The following SYDE1 variants were observed in gnomAD, a reference collection of about 807,000 sequenced individuals.
The protein encoded by SYDE1 is rho GTPase-activating protein SYDE1.
In SYDE1, 34 loss-of-function variants were observed where a neutral mutation model predicts 63.3. The ratio of observed to expected loss-of-function variants is 0.54; its 90% CI spans 0.41 to 0.71. The LOEUF (loss-of-function observed/expected upper bound fraction) is 0.71, where lower values mean the gene tolerates loss of function less well. Ranked by LOEUF, SYDE1 falls within the 30% of genes least tolerant of loss-of-function variation. The pLI, the probability that SYDE1 is intolerant of heterozygous loss-of-function variation, is 0.00. For missense variants in SYDE1, 925 were observed against 1,042.5 expected, an observed-to-expected ratio of 0.89 and a Z score of 1.55; for synonymous variants, 467 against 473.4, an observed-to-expected ratio of 0.99 and a Z score of 0.18.
At position 15,108,961 on chromosome 19, in the gene SYDE1, C is replaced by CACA; in HGVS notation, c.89-95_89-94insACA. On this transcript the variant is annotated intron_variant, in intron 1 of 7. Transcript: ENST00000342784. This position sits in a 1 kb window ranked among gnomAD's most constrained non-coding sequence, Gnocchi z 4.3. Reference sequence around the variant, plus strand: ...ATGACTTATCAGGGGCCGGCCAGGGCCGTACACAGCATCCCACCCACTGAT... The same window carrying CACA: ...ATGACTTATCAGGGGCCGGCCAGGGCACACGTACACAGCATCCCACCCACTGAT... 2.0e-5 allele frequency: 28 copies of CACA among 1,426,284 alleles called. No individual in the cohort carries two copies. Among genetic ancestry groups the CACA allele is most frequent in the Non-Finnish European group, 2.6e-5 (28 of 1,094,372 alleles). 88.4% of individuals were successfully genotyped at this position (1,426,284 alleles called of 1,614,324 possible). A position where few individuals can be genotyped will look rare whatever the true frequency, so the allele number is the denominator to read the frequency against.
At chr19:15,112,800 T>C (rs1210215566) in intron 7 of SYDE1, among the ~76,000 whole-genome samples, 2 of 152,250 alleles carry the variant, frequency 1.3e-5, no homozygotes, top group Admixed American at 6.5e-5. Flanking sequence ...CCCAAGCTGG[T>C]CTCAAACGCA....
In SYDE1 at chr19:15,109,909, CCCCGGG is replaced by C. The variant is rs933969537; in HGVS notation, c.639_644del (p.Gly214_Pro215del). 6.8e-7 allele frequency: 1 copy of C among 1,465,022 alleles called. No individual in the cohort carries two copies. Among genetic ancestry groups the C allele is most frequent in the African/African-American group, 1.5e-5 (1 of 68,014 alleles). 90.8% of individuals were successfully genotyped at this position (1,465,022 alleles called of 1,614,324 possible). A position where few individuals can be genotyped will look rare whatever the true frequency, so the allele number is the denominator to read the frequency against. ...ACCACCTGGACAGCAGCGTGGGGGG[CCCCGGG>C]CCGGCAGCAGGGCCTGGGGGCACCC... On this transcript the variant is annotated inframe_deletion, in exon 3 of 8. Coordinates refer to ENST00000342784, the MANE Select transcript of SYDE1 (RefSeq NM_033025.6). The surrounding 1 kb of genome is among the most constrained non-coding windows in gnomAD (Gnocchi z 5.0).
chr19:15,107,483 A>C lies in SYDE1; in HGVS notation c.50A>C (p.Glu17Ala). Residue 17 changes from glutamate (E) to alanine (A), a missense_variant, in exon 1 of 8, where the codon GAG becomes GCG. Transcript: ENST00000342784. Reference sequence around the variant, plus strand: ...ACCTTCTCCCGCCTGCGGGGCCGGGAGAAACTTCCCCGGAAAAAGTCGGAC... The same window carrying C: ...ACCTTCTCCCGCCTGCGGGGCCGGGCGAAACTTCCCCGGAAAAAGTCGGAC... ...RKTFSRLRGR[E>A]KLPRKKSDAK... 1.3e-6 allele frequency: 2 copies of C among 1,534,470 alleles called. No individual in the cohort carries two copies. The highest frequency in any genetic ancestry group is 1.4e-5 in the African/African-American group (1 of 72,404).
chr19:15,110,058 C>T lies in SYDE1; in HGVS notation c.785C>T (p.Ala262Val). Residue 262 changes from alanine (A) to valine (V), a missense_variant, in exon 3 of 8, where the codon GCC (alanine) becomes GTC (valine). By Grantham distance (64) the Ala-to-Val change is moderately conservative. Coordinates refer to ENST00000342784, the MANE Select transcript of SYDE1 (RefSeq NM_033025.6). This position sits in a 1 kb window ranked among gnomAD's most constrained non-coding sequence, Gnocchi z 6.9. ...GGTCCCGCAGCCCGGGCACCCCCGG[C>T]CGCACTCTGGGGCCGCCTCAGCCTG... ...EVGPAARAPP[A>V]ALWGRLSLHL... The T allele has an allele frequency of 6.7e-7, 1 of 1,498,442 alleles. No individual in the cohort carries two copies. The highest frequency in any genetic ancestry group is 8.8e-7 in the Non-Finnish European group (1 of 1,131,636). 92.8% of individuals were successfully genotyped at this position (1,498,442 alleles called of 1,614,324 possible). A position where few individuals can be genotyped will look rare whatever the true frequency, so the allele number is the denominator to read the frequency against.
rs534646292 is a variant in SYDE1 at position 15,110,893 on chromosome 19, G to A, written c.1290+158G>A. On this transcript the variant is annotated intron_variant, in intron 4 of 7. Transcript: ENST00000342784. This position sits in a 1 kb window ranked among gnomAD's most constrained non-coding sequence, Gnocchi z 6.9. ...GGCAGAAGGCGCCCCCTTGACTGTA[G>A]CACCCTGGGCAGAACCCATGGGTCA... Among the ~76,000 whole-genome samples the A allele has an allele frequency of 1.3e-5, 2 of 152,282 alleles. No homozygotes were observed. The highest frequency in any genetic ancestry group is 4.1e-4 in the South Asian group (2 of 4,828).
chr19:15,109,012 C>A lies in SYDE1; in HGVS notation c.89-44C>A. The A allele has an allele frequency of 6.9e-7, 1 of 1,446,726 alleles. No homozygotes were observed. Among genetic ancestry groups the A allele is most frequent in the East Asian group, 2.5e-5 (1 of 40,190 alleles). 89.6% of individuals were successfully genotyped at this position (1,446,726 alleles called of 1,614,324 possible). On this transcript the variant is annotated intron_variant, in intron 1 of 7. Transcript: ENST00000342784. The surrounding 1 kb of genome is among the most constrained non-coding windows in gnomAD (Gnocchi z 5.0). Reference sequence around the variant, plus strand: ...CAATTGCACAGGGCTGCTCTGCAGGCAGTGAGGGGCTGGGTGGGTCTCACT... The same window carrying A: ...CAATTGCACAGGGCTGCTCTGCAGGAAGTGAGGGGCTGGGTGGGTCTCACT...
At position 15,108,958 on chromosome 19, in the gene SYDE1, G is replaced by C. The variant is rs2046322990; in HGVS notation, c.89-98G>C. The stretch of plus-strand genomic sequence containing the variant: ...ACCATGACTTATCAGGGGCCGGCCA[G>C]GGCCGTACACAGCATCCCACCCACT... On this transcript the variant is annotated intron_variant, in intron 1 of 7. Coordinates refer to ENST00000342784, the MANE Select transcript of SYDE1 (RefSeq NM_033025.6). This position sits in a 1 kb window ranked among gnomAD's most constrained non-coding sequence, Gnocchi z 4.3. 7.0e-7 allele frequency: 1 copy of C among 1,422,992 alleles called. No individual in the cohort carries two copies. The highest frequency in any genetic ancestry group is 9.2e-7 in the Non-Finnish European group (1 of 1,092,580). The allele number at this position is 1,422,992 out of a possible 1,614,324, so 88.1% of individuals were successfully genotyped here. A position where few individuals can be genotyped will look rare whatever the true frequency, so the allele number is the denominator to read the frequency against.
Position 15,109,741 on chromosome 19 carries a change from C to T in SYDE1, c.468C>T (p.Arg156=). The T allele has an allele frequency of 4.6e-6, 7 of 1,534,200 alleles. No individual in the cohort carries two copies. Among genetic ancestry groups the T allele is most frequent in the Non-Finnish European group, 6.1e-6 (7 of 1,141,164 alleles). Residue 156 remains arginine, a synonymous_variant, in exon 3 of 8, where the codon CGC becomes CGT. Coordinates refer to ENST00000342784, the MANE Select transcript of SYDE1 (RefSeq NM_033025.6). The surrounding 1 kb of genome is among the most constrained non-coding windows in gnomAD (Gnocchi z 5.0). The part of the protein sequence containing the change: ...APASPPTKAS[R]TKSPGPARRL... ...CCAGCCCCCCAACCAAAGCCTCCCGCACCAAGTCCCCGGGCCCCGCCAGGC... is the reference window on the plus strand; with the variant it reads ...CCAGCCCCCCAACCAAAGCCTCCCGTACCAAGTCCCCGGGCCCCGCCAGGC...
In SYDE1 at chr19:15,113,558, A is replaced by G; in HGVS notation, c.1805-2A>G. On this transcript the variant is annotated splice_acceptor_variant, in intron 7 of 7. Transcript: ENST00000342784. LOFTEE classifies it high-confidence loss of function. ...TCTATGACCTACCCTGTCTCCCTTC[A>G]GATCCCCGCCTGCCCCGACAATCTC... 1 of 1,542,456 alleles carries G rather than the reference A, an allele frequency of 6.5e-7. No individual in the cohort carries two copies. The highest frequency in any genetic ancestry group is 8.7e-7 in the Non-Finnish European group (1 of 1,145,154).
chr19:15,113,910 C>T lies in SYDE1; in HGVS notation c.2155C>T (p.Leu719Phe). The T allele has an allele frequency of 6.2e-7, 1 of 1,614,082 alleles. No individual in the cohort carries two copies. Among genetic ancestry groups the T allele is most frequent in the Non-Finnish European group, 8.5e-7 (1 of 1,180,020 alleles). The change falls in exon 8 of 8, where the codon CTC (leucine) becomes TTC (phenylalanine). Residue 719 changes from leucine to phenylalanine, a missense_variant. Physicochemically the swap from Leu to Phe is conservative, Grantham distance 22. Transcript: ENST00000342784. ...PHLNLKDFDA[L>F]ILDLERELSK... ...CCTGAATCTCAAAGACTTCGACGCC[C>T]TCATCCTGGATCTGGAGAGAGAGCT...
Position 15,111,795 on chromosome 19 carries a change from G to A in SYDE1, c.1578+3G>A. ...GCTGCCTGCCAGATGTGGAAAGGGT[G>A]AGTTGGGCCTGGTGGGAGTGATGGG... On this transcript the variant is annotated splice_donor_region_variant and intron_variant, in intron 6 of 7. Transcript: ENST00000342784. This position sits in a 1 kb window ranked among gnomAD's most constrained non-coding sequence, Gnocchi z 5.5. 3 of 1,572,770 alleles carry A rather than the reference G, an allele frequency of 1.9e-6. No individual in the cohort carries two copies. Among genetic ancestry groups the A allele is most frequent in the South Asian group, 1.2e-5 (1 of 83,458 alleles).
rs1348976868 is a variant in SYDE1, at chr19:15,109,759, C to T, written c.486C>T (p.Pro162=). The stretch of plus-strand genomic sequence containing the variant: ...CCTCCCGCACCAAGTCCCCGGGCCC[C>T]GCCAGGCGCCTCTCCATAAAGATGA... ...TKASRTKSPG[P]ARRLSIKMKK... Residue 162 remains proline (P), a synonymous_variant, in exon 3 of 8, where the codon CCC becomes CCT. Transcript: ENST00000342784. This position sits in a 1 kb window ranked among gnomAD's most constrained non-coding sequence, Gnocchi z 5.0. 9 of 1,538,040 alleles carry T rather than the reference C, an allele frequency of 5.9e-6. No homozygotes were observed. Among genetic ancestry groups the T allele is most frequent in the Non-Finnish European group, 7.0e-6 (8 of 1,144,038 alleles).
At position 15,110,637 on chromosome 19, in the gene SYDE1, C is replaced by A; in HGVS notation, c.1192C>A (p.Leu398Met). 1 of 1,587,328 alleles carries A rather than the reference C, an allele frequency of 6.3e-7. No homozygotes were observed. Among genetic ancestry groups the A allele is most frequent in the East Asian group, 2.3e-5 (1 of 43,380 alleles). Residue 398 changes from leucine (L) to methionine (M), a missense_variant, in exon 4 of 8, where the codon CTG becomes ATG. Leu to Met is a conservative substitution (Grantham distance 15, BLOSUM62 2). Around this residue, in one of 3 missense-constraint regions of SYDE1, gnomAD observed 599 missense variants for 653.7 expected, o/e 0.92. Transcript: ENST00000342784. The surrounding 1 kb of genome is among the most constrained non-coding windows in gnomAD (Gnocchi z 6.9). ...PATAEPRVFG[L>M]PLPLLVERER... ...CACAGCTGAGCCCCGCGTCTTTGGGCTGCCCCTGCCACTGCTGGTGGAGCG... is the reference window on the plus strand; with the variant it reads ...CACAGCTGAGCCCCGCGTCTTTGGGATGCCCCTGCCACTGCTGGTGGAGCG...
rs774029870 is a variant in SYDE1, at chr19:15,113,711, C to T, written c.1956C>T (p.Ala652=). ...GPESPPSNRY[A]GDWSVCGRDF... is the part of the protein sequence containing the mutation. ...AAAGCCCCCCGAGCAACCGCTACGCCGGCGACTGGAGCGTTTGCGGGCGGG... is the reference window on the plus strand; with the variant it reads ...AAAGCCCCCCGAGCAACCGCTACGCTGGCGACTGGAGCGTTTGCGGGCGGG... Residue 652 remains alanine (A), a synonymous_variant, in exon 8 of 8, where the codon GCC becomes GCT. Coordinates refer to ENST00000342784, the MANE Select transcript of SYDE1 (RefSeq NM_033025.6). 6.8e-6 allele frequency: 11 copies of T among 1,613,576 alleles called. No individual in the cohort carries two copies. Among genetic ancestry groups the T allele is most frequent in the East Asian group, 4.5e-5 (2 of 44,872 alleles).
rs2145325798 is a variant in SYDE1, at chr19:15,110,599, A to G, written c.1154A>G (p.Gln385Arg). The change falls in exon 4 of 8, where the codon CAG (glutamine) becomes CGG (arginine). Residue 385 changes from glutamine (Q) to arginine (R), a missense_variant. This residue lies in a region of SYDE1 where 599 missense variants were observed against 653.7 expected (regional missense o/e 0.92). Transcript: ENST00000342784. This position sits in a 1 kb window ranked among gnomAD's most constrained non-coding sequence, Gnocchi z 6.9. ...GCCAAGCTGACCCTGTCGGAGCAGC[A>G]GGAAGCCCCTGCCACAGCTGAGCCC... ...LYAKLTLSEQ[Q>R]EAPATAEPRV... 6.3e-7 allele frequency: 1 copy of G among 1,593,960 alleles called. No homozygotes were observed. Among genetic ancestry groups the G allele is most frequent in the Non-Finnish European group, 8.5e-7 (1 of 1,172,780 alleles).
Position 15,108,518 on chromosome 19 carries a change from C to A in SYDE1, c.89-538C>A, listed in dbSNP as rs567011629. Among the ~76,000 whole-genome samples, 114 of 152,238 alleles carry A rather than the reference C, an allele frequency of 7.5e-4. 1 individual carries two copies. The Middle Eastern group carries it at 0.017, about 23-fold the overall frequency. ...AAGACAGGAGGGAGGGTAAAAGGGGCAGGGGACTGGGAGTGACTGTGCTGC... is the reference window on the plus strand; with the variant it reads ...AAGACAGGAGGGAGGGTAAAAGGGGAAGGGGACTGGGAGTGACTGTGCTGC... On this transcript the variant is annotated intron_variant, in intron 1 of 7. Coordinates refer to ENST00000342784, the MANE Select transcript of SYDE1 (RefSeq NM_033025.6). This position sits in a 1 kb window ranked among gnomAD's most constrained non-coding sequence, Gnocchi z 4.3.
rs1186464743 is a variant in SYDE1, at chr19:15,113,663, G to A, written c.1908G>A (p.Arg636=). The A allele has an allele frequency of 2.5e-6, 4 of 1,613,062 alleles. No individual in the cohort carries two copies. The highest frequency in any genetic ancestry group is 2.2e-5 in the East Asian group (1 of 44,874). The part of the protein sequence containing the change: ...LPLADPEVVT[R]PRGRGGPESP... The stretch of plus-strand genomic sequence containing the variant: ...TGGCAGACCCCGAAGTGGTGACTCG[G>A]CCCCGCGGTCGAGGAGGCCCCGAAA... The change falls in exon 8 of 8, where the codon CGG becomes CGA. Residue 636 remains arginine (R), a synonymous_variant. Transcript: ENST00000342784.
Position 15,111,496 on chromosome 19 carries a change from G to T in SYDE1, c.1417+57G>T. On this transcript the variant is annotated intron_variant, in intron 5 of 7. Coordinates refer to ENST00000342784, the MANE Select transcript of SYDE1 (RefSeq NM_033025.6). The surrounding 1 kb of genome is among the most constrained non-coding windows in gnomAD (Gnocchi z 5.5). The stretch of plus-strand genomic sequence containing the variant: ...ACCCCCATTCAATGCCTCACTTCAA[G>T]GCCTTGGGGCTCCTCTGGGACCTCA... 1 of 1,605,056 alleles carries T rather than the reference G, an allele frequency of 6.2e-7. No homozygotes were observed. The highest frequency in any genetic ancestry group is 8.5e-7 in the Non-Finnish European group (1 of 1,173,850).
Position 15,111,612 on chromosome 19 carries a change from A to T in SYDE1, c.1418-20A>T. On this transcript the variant is annotated intron_variant, in intron 5 of 7. Coordinates refer to ENST00000342784, the MANE Select transcript of SYDE1 (RefSeq NM_033025.6). The surrounding 1 kb of genome is among the most constrained non-coding windows in gnomAD (Gnocchi z 5.5). ...TAGAAGCCAGTGGTGCCCTGACCAGAGGGGACCCTGTGTTCACAGGCATCC... is the reference window on the plus strand; with the variant it reads ...TAGAAGCCAGTGGTGCCCTGACCAGTGGGGACCCTGTGTTCACAGGCATCC... 1 of 1,613,432 alleles carries T rather than the reference A, an allele frequency of 6.2e-7. No homozygotes were observed. The highest frequency in any genetic ancestry group is 8.5e-7 in the Non-Finnish European group (1 of 1,179,848).
Sources: allele counts gnomAD v4.1 joint callset (sites outside exome capture counted in the v4.1 genomes callset), GRCh38; gene constraint gnomAD v4.1.1; regional missense constraint gnomAD v4.1.1; non-coding constraint Gnocchi (gnomAD v3.1); transcripts MANE v1.5; gene names NCBI Gene and HGNC (gene_info 2026-07-23, HGNC 2026-07-21).